Variants in IQUB observed in about 807,000 individuals in gnomAD.
IQUB encodes IQ motif and ubiquitin-like domain-containing protein.
Under a neutral mutation model 86.4 loss-of-function variants are expected in IQUB, and 86 were observed. The ratio of observed to expected loss-of-function variants is 1.00; its 90% CI spans 0.84 to 1.19. The LOEUF is 1.19. Among genes scored for constraint, IQUB ranks in the 50% most tolerant of loss-of-function variants. The pLI is 0.00. For synonymous variants in IQUB, 289 were observed against 304.5 expected (o/e 0.95, Z 0.53); for missense variants, 946 against 916.9 (o/e 1.03, Z -0.41).
chr7:123,525,327 G>A (rs1465083515), intron 1 of IQUB, among the ~76,000 whole-genome samples: 1 of 152,044 alleles, frequency 6.6e-6, no homozygotes, highest in Non-Finnish European at 1.5e-5. Flanking sequence ...AATCCATCTG[G>A]TCCTGGACTC....
chr7:123,478,855 A>T lies in IQUB; in HGVS notation c.1410+940T>A, dbSNP rs150969597. Among the ~76,000 whole-genome samples, 67 of 152,184 alleles carry T rather than the reference A, an allele frequency of 4.4e-4. No individual in the cohort carries two copies. In the East Asian group the frequency reaches 0.011, roughly 26 times the overall value. The stretch of plus-strand genomic sequence containing the variant: ...AAGGTGATAGGACTTAGGGTTCATC[A>T]TGTCTCCTTGAAGTGTAATCTTGGG... On this transcript the variant is annotated intron_variant, in intron 8 of 12. Transcript: ENST00000324698.
intron 8 of IQUB, among the ~76,000 whole-genome samples, 158 bp from the exon 9 acceptor site, chr7:123,469,542 A>G (rs976699922): frequency 1.3e-5 from 2 of 152,220 alleles, no homozygotes; most frequent in South Asian, 4.1e-4. Context: ...CAGATCAGGC[A>G]AAAGTAAAAT....
chr7:123,506,657 C>A (rs1796190836), intron 3 of IQUB, among the ~76,000 whole-genome samples: 1 of 152,108 alleles, frequency 6.6e-6, no homozygotes, highest in South Asian at 2.1e-4. Flanking sequence ...CCCCCATGAT[C>A]CAATCACCTC....
At position 123,512,193 on chromosome 7, in the gene IQUB, C is replaced by G; in HGVS notation, c.148G>C (p.Glu50Gln). The G allele has an allele frequency of 6.2e-7, 1 of 1,614,038 alleles. No homozygotes were observed. Among genetic ancestry groups the G allele is most frequent in the South Asian group, 1.1e-5 (1 of 91,072 alleles). Residue 50 changes from glutamate to glutamine, a missense_variant, in exon 2 of 13, where the codon GAA (glutamate) becomes CAA (glutamine). Coordinates refer to ENST00000324698, the MANE Select transcript of IQUB (RefSeq NM_178827.5). ...ATTGCATGGCTCTCACTGAATTGTT[C>G]TATTCCAGATTCATGCTCTTCAGTT... is the stretch of plus-strand genomic sequence containing the variant. ...DQTEEHESGI[E>Q]QFSESHAIHV... is the part of the protein sequence containing the mutation.
intron 8 of IQUB, among the ~76,000 whole-genome samples, chr7:123,469,595 T>C (rs1463299912): frequency 1.3e-5 from 2 of 152,212 alleles, no homozygotes; most frequent in Non-Finnish European, 2.9e-5. Flanking sequence ...ATTCAGTCTG[T>C]AGAAGTTCAT....
At chr7:123,523,702 G>A (rs1797027381) in intron 1 of IQUB, among the ~76,000 whole-genome samples, 1 of 151,872 alleles carries the variant, frequency 6.6e-6, no homozygotes, top group Admixed American at 6.6e-5. Context: ...AAGCTCTTTA[G>A]TTTAATTAGA....
chr7:123,504,671 A>T (rs1413450704), intron 3 of IQUB, among the ~76,000 whole-genome samples: 2 of 152,106 alleles, frequency 1.3e-5, no homozygotes, highest in East Asian at 3.9e-4. Context: ...CAAGGGGGAA[A>T]TCCGCACCCA....
chr7:123,469,535 A>G (rs963996781), intron 8 of IQUB, 151 bp from the exon 9 acceptor site: 21 of 456,614 alleles, frequency 4.6e-5, no homozygotes, highest in Non-Finnish European at 6.4e-5. Flanking sequence ...GAATTTGCAG[A>G]TCAGGCAAAA....
intron 7 of IQUB, among the ~76,000 whole-genome samples, chr7:123,482,165 A>G (rs1472700339): frequency 6.6e-6 from 1 of 152,208 alleles, no homozygotes; most frequent in Middle Eastern, 3.4e-3. Flanking sequence ...ACAGGAAATC[A>G]TATACCATCA....
rs544136246 is a variant in IQUB at position 123,504,161 on chromosome 7, A to G, written c.533-798T>C. Among the ~76,000 whole-genome samples, 4 of 152,284 alleles carry G rather than the reference A, an allele frequency of 2.6e-5. No homozygotes were observed. The South Asian group carries it at 8.3e-4, about 32-fold the overall frequency. On this transcript the variant is annotated intron_variant, in intron 3 of 12. Transcript: ENST00000324698. ...AGACTGCATAATTTATAAAGAAAAGACATTTAGGCCACACATGGCGGTTCA... is the reference window on the plus strand; with the variant it reads ...AGACTGCATAATTTATAAAGAAAAGGCATTTAGGCCACACATGGCGGTTCA...
chr7:123,462,586 A>G (rs1172676938), intron 10 of IQUB: 1 of 200,876 alleles, frequency 5.0e-6, no homozygotes, highest in Non-Finnish European at 1.1e-5. Context: ...AAGGTAGTCA[A>G]TTCTTCGAGA....
chr7:123,534,417 A>G (rs1358462638), intron 1 of IQUB, 75 bp downstream of exon 1: 1 of 152,560 alleles, frequency 6.6e-6, no homozygotes, highest in Non-Finnish European at 1.5e-5. Flanking sequence ...CCCAGAGTCC[A>G]GCGCGGCTGT....
At chr7:123,496,144 C>T (rs371721325) in intron 7 of IQUB, among the ~76,000 whole-genome samples, 1 of 152,202 alleles carries the variant, frequency 6.6e-6, no homozygotes, top group East Asian at 1.9e-4. Flanking sequence ...GTAAAGAGTG[C>T]CTGGCTTGTT....
chr7:123,490,099 GATC>G (rs1377148463), intron 7 of IQUB, among the ~76,000 whole-genome samples: 4 of 151,924 alleles, frequency 2.6e-5, no homozygotes, highest in Admixed American at 2.6e-4. Flanking sequence ...AAAAGGAAGA[GATC>G]ATCTAATTGG....
chr7:123,482,592 G>GA (rs1795055894), intron 7 of IQUB, among the ~76,000 whole-genome samples: 1 of 151,758 alleles, frequency 6.6e-6, no homozygotes, highest in Non-Finnish European at 1.5e-5. Flanking sequence ...ACAATATTAA[G>GA]AAAAAAACAC....
chr7:123,453,008 G>C (rs571771255), intron 12 of IQUB, 83 bp from the exon 13 acceptor site: 2 of 1,007,578 alleles, frequency 2.0e-6, no homozygotes, highest in East Asian at 5.2e-5. Context: ...CGGTGCCTTT[G>C]CTTGTCAATT....
rs191443154 is a variant in IQUB, at chr7:123,471,194, G to A, written c.1411-1810C>T. ...TTAAATAATGTATTATTATCAGACC[G>A]ATATAATTAAGATTGATTAAAAGCT... On this transcript the variant is annotated intron_variant, in intron 8 of 12. Coordinates refer to ENST00000324698, the MANE Select transcript of IQUB (RefSeq NM_178827.5). Among the ~76,000 whole-genome samples, 18 of 152,076 alleles carry A rather than the reference G, an allele frequency of 1.2e-4. No individual in the cohort carries two copies. The East Asian group carries it at 2.7e-3, about 23-fold the overall frequency.
intron 3 of IQUB, among the ~76,000 whole-genome samples, chr7:123,508,136 C>T (rs1395358404): frequency 6.6e-6 from 1 of 152,050 alleles, no homozygotes; most frequent in African/African-American, 2.4e-5. Flanking sequence ...ATGACAGAAG[C>T]AGACAGATTT....
intron 7 of IQUB, among the ~76,000 whole-genome samples, chr7:123,491,281 C>T (rs997854265): frequency 2.6e-5 from 4 of 152,078 alleles, no homozygotes; most frequent in Non-Finnish European, 5.9e-5. Flanking sequence ...GGTCTCAAAT[C>T]AAATGACCTC....
Sources: gnomAD v4.1 joint callset for allele counts (sites outside exome capture counted in the v4.1 genomes callset) on GRCh38, gnomAD v4.1.1 for gene constraint, MANE v1.5 for transcripts, NCBI Gene and HGNC (gene_info 2026-07-23, HGNC 2026-07-21) for gene names.